BBS2: variants seen among roughly 807,000 people sequenced by gnomAD.
The protein encoded by BBS2 is BBSome complex member BBS2.
Under a neutral mutation model 83.0 loss-of-function variants are expected in BBS2, and 62 were observed. The ratio of observed to expected loss-of-function variants is 0.75; its 90% CI spans 0.61 to 0.92. The LOEUF (loss-of-function observed/expected upper bound fraction) is 0.92. Among genes scored for constraint, BBS2 ranks in the 40% least tolerant of loss-of-function variants. The pLI is 0.00. For missense variants in BBS2, 784 were observed against 901.0 expected, an observed-to-expected ratio of 0.87 and a Z score of 1.66; for synonymous variants, 303 against 326.1, an observed-to-expected ratio of 0.93 and a Z score of 0.76.
At chr16:56,506,259 CAT>C (rs765899956) in intron 5 of BBS2, 35 bp from the exon 6 acceptor site, 15 of 1,490,552 alleles carry the variant, frequency 1.0e-5, no homozygotes, top group Non-Finnish European at 1.4e-5. Flanking sequence ...AACATCTTTT[CAT>C]TAAGACTCAG....
intron 15 of BBS2, among the ~76,000 whole-genome samples, chr16:56,489,230 A>G (rs1350611149): frequency 2.0e-5 from 3 of 152,104 alleles, no homozygotes; most frequent in Admixed American, 1.3e-4. Flanking sequence ...AGTCCCACCT[A>G]CTCAGGAGGC....
chr16:56,493,712 C>G (rs1308943956), intron 15 of BBS2, among the ~76,000 whole-genome samples: 1 of 152,082 alleles, frequency 6.6e-6, no homozygotes, highest in African/African-American at 2.4e-5. Flanking sequence ...AGACAATGAA[C>G]CTAACTCTCT....
rs777637214 is a variant in BBS2, at chr16:56,496,991, T to A, written c.1886A>T (p.Glu629Val). 2 of 1,614,024 alleles carry A rather than the reference T, an allele frequency of 1.2e-6. No homozygotes were observed. The highest frequency in any genetic ancestry group is 1.7e-6 in the Non-Finnish European group (2 of 1,179,882). Residue 629 changes from glutamate to valine, a missense_variant, in exon 15 of 17, where the codon GAG (glutamate) becomes GTG (valine). Transcript: ENST00000245157. ...NLIRSLLVGAEDARLMRDMKT... is the reference protein window; with the variant it reads ...NLIRSLLVGAVDARLMRDMKT... Reference sequence around the variant, plus strand: ...CATGTCCCTCATCAGACGAGCATCCTCAGCTCCGACCAGCAAACTTCGGAT... The same window carrying A: ...CATGTCCCTCATCAGACGAGCATCCACAGCTCCGACCAGCAAACTTCGGAT...
intron 17 of BBS2, chr16:56,478,722 T>C (rs1963583263): frequency 6.6e-6 from 1 of 152,212 alleles, no homozygotes; most frequent in South Asian, 2.1e-4. Context: ...AAATGTGCTT[T>C]TTAGTGTCTC....
intron 15 of BBS2, among the ~76,000 whole-genome samples, chr16:56,496,131 G>A (rs1163691216): frequency 6.6e-6 from 1 of 152,118 alleles, no homozygotes; most frequent in Non-Finnish European, 1.5e-5. Flanking sequence ...CACTCTGAGT[G>A]AACTCTTGCC....
intron 16 of BBS2, 99 bp from the exon 17 acceptor site, chr16:56,484,966 A>G (rs1597001297): frequency 1.1e-6 from 1 of 879,288 alleles, no homozygotes; most frequent in Non-Finnish European, 1.9e-6. Flanking sequence ...GAGGGAAAAG[A>G]GTTATACTTG....
downstream of BBS2, among the ~76,000 whole-genome samples, chr16:56,481,771 G>A (rs1963667343): frequency 6.6e-6 from 1 of 152,078 alleles, no homozygotes; most frequent in Admixed American, 6.5e-5. Flanking sequence ...GTTCTAAGTT[G>A]GGGGAAAAAA....
chr16:56,499,598 G>C (rs543397558), intron 12 of BBS2, 180 bp downstream of exon 12: 4 of 708,518 alleles, frequency 5.6e-6, no homozygotes, highest in African/African-American at 3.6e-5. Flanking sequence ...CAAAGTGAGA[G>C]AAGGTATTTT....
At chr16:56,475,655 TG>T (rs774220974) in intron 17 of BBS2, 15 of 995,844 alleles carry the variant, frequency 1.5e-5, no homozygotes, top group Admixed American at 5.7e-5. Flanking sequence ...CTTCTACCAG[TG>T]TCTTTAGCTA....
At chr16:56,484,004 ATATT>A (rs1459950736), downstream of BBS2, among the ~76,000 whole-genome samples, 14 of 102,176 alleles carry the variant, frequency 1.4e-4, no homozygotes, top group Non-Finnish European at 2.2e-4. Flanking sequence ...CTCAGCCCAA[ATATT>A]TTTTTTTTTT....
At chr16:56,504,896 T>C (rs2144158359) in intron 7 of BBS2, among the ~76,000 whole-genome samples, 1 of 152,330 alleles carries the variant, frequency 6.6e-6, no homozygotes, top group Non-Finnish European at 1.5e-5. Flanking sequence ...GAGAGGTGAT[T>C]AGGTCATAAG....
At chr16:56,490,992 G>A (rs963955904) in intron 15 of BBS2, among the ~76,000 whole-genome samples, 2 of 151,876 alleles carry the variant, frequency 1.3e-5, no homozygotes, top group East Asian at 1.9e-4. Context: ...CGATCTCCTG[G>A]CCTCATGATC....
At chr16:56,514,736 C>G in intron 1 of BBS2, 56 bp from the exon 2 acceptor site, 1 of 1,353,598 alleles carries the variant, frequency 7.4e-7, no homozygotes, top group Non-Finnish European at 1.0e-6. Flanking sequence ...TAGTATCATA[C>G]ATTTTTTTAA....
intron 1 of BBS2, among the ~76,000 whole-genome samples, chr16:56,515,628 T>G (rs560276074): frequency 6.6e-6 from 1 of 152,314 alleles, no homozygotes; most frequent in South Asian, 2.1e-4. Flanking sequence ...TTCATCTCTT[T>G]CACATAAATC....
chr16:56,476,120 A>T (rs867196459), intron 17 of BBS2: 1 of 1,613,954 alleles, frequency 6.2e-7, no homozygotes, highest in African/African-American at 1.3e-5. Context: ...TTTGTCAAGC[A>T]TATTAACCAC....
intron 7 of BBS2, among the ~76,000 whole-genome samples, chr16:56,503,800 T>C (rs1964347705): frequency 6.6e-6 from 1 of 151,880 alleles, no homozygotes; most frequent in African/African-American, 2.4e-5. Flanking sequence ...GCACCTGTAG[T>C]CCCAGCTACT....
intron 17 of BBS2, among the ~76,000 whole-genome samples, chr16:56,474,066 A>G (rs1306788518): frequency 6.6e-6 from 1 of 151,764 alleles, no homozygotes; most frequent in African/African-American, 2.4e-5. Context: ...GCCTCAGAGG[A>G]GTACTAACCT....
chr16:56,504,656 A>C (rs75559533), intron 7 of BBS2, among the ~76,000 whole-genome samples: 6,464 of 152,256 alleles, frequency 0.042, 210 homozygotes, highest in East Asian at 0.15. Context: ...AAATCCCTTA[A>C]AATTTCAAAA....
rs1363755531 is a variant in BBS2, at chr16:56,498,492, A to C, written c.1604T>G (p.Phe535Cys). 1 of 1,614,018 alleles carries C rather than the reference A, an allele frequency of 6.2e-7. No individual in the cohort carries two copies. The highest frequency in any genetic ancestry group is 1.3e-5 in the African/African-American group (1 of 74,934). Residue 535 changes from phenylalanine to cysteine, a missense_variant, in exon 13 of 17, where the codon TTC (phenylalanine) becomes TGC (cysteine). Coordinates refer to ENST00000245157, the MANE Select transcript of BBS2 (RefSeq NM_031885.5). ...HIQNAPFQVCFTSLRNGGHLH... is the reference protein window; with the variant it reads ...HIQNAPFQVCCTSLRNGGHLH... ...GTGGCCGCCATTCCGTAAAGATGTG[A>C]AACACACTTGAAATGGAGCATTCTG...
Sources: allele counts gnomAD v4.1 joint callset (sites outside exome capture counted in the v4.1 genomes callset), GRCh38; gene constraint gnomAD v4.1.1; transcripts MANE v1.5; gene names NCBI Gene and HGNC (gene_info 2026-07-23, HGNC 2026-07-21).